Variants in HECW1 observed in about 807,000 individuals in gnomAD.
HECW1 encodes the protein E3 ubiquitin-protein ligase HECW1.
Under a neutral mutation model 182.3 loss-of-function variants are expected in HECW1, and 61 were observed. The ratio of observed to expected loss-of-function variants is 0.33; its 90% CI spans 0.27 to 0.41. HECW1 has a LOEUF of 0.41. HECW1 is among the 10% of genes least tolerant of loss of function. The pLI, the probability that HECW1 is intolerant of heterozygous loss-of-function variation, is 1.00. For missense variants in HECW1, 1,739 were observed against 2,108.9 expected (o/e 0.82, Z 3.44); for synonymous variants, 859 against 832.6 (o/e 1.03, Z -0.55).
Position 43,364,715 on chromosome 7 carries a change from G to T in HECW1, c.555+3735G>T, listed in dbSNP as rs142063224. 3.7e-3 allele frequency among the ~76,000 whole-genome samples: 566 copies of T among 152,342 alleles called. 7 individuals carry two copies. Among genetic ancestry groups the T allele is most frequent in the African/African-American group, 0.013 (545 of 41,578 alleles). Reference sequence around the variant, plus strand: ...AGGGAAGGAGACCTAGTTGTCTTAGGTTTAAAGAATATAGGACTTATTGTC... The same window carrying T: ...AGGGAAGGAGACCTAGTTGTCTTAGTTTTAAAGAATATAGGACTTATTGTC... On this transcript the variant is annotated intron_variant, in intron 6 of 29. Coordinates refer to ENST00000395891, the MANE Select transcript of HECW1 (RefSeq NM_015052.5).
chr7:43,456,183 C>A, intron 12 of HECW1, 114 bp from the exon 13 acceptor site: 2 of 1,073,908 alleles, frequency 1.9e-6, no homozygotes, highest in Non-Finnish European at 2.7e-6. Context: ...GTCTGGCCTG[C>A]AGCCATGAAC....
At chr7:43,429,482 A>G (rs2076476070) in intron 8 of HECW1, among the ~76,000 whole-genome samples, 1 of 151,798 alleles carries the variant, frequency 6.6e-6, no homozygotes, top group Non-Finnish European at 1.5e-5. Context: ...ACCACTTCTT[A>G]ATGTAAAACG....
rs150282119 is a variant in HECW1 at position 43,477,299 on chromosome 7, C to G, written c.3100-2311C>G. 7.1e-3 allele frequency among the ~76,000 whole-genome samples: 1,088 copies of G among 152,210 alleles called. 11 individuals carry two copies. The highest frequency in any genetic ancestry group is 0.024 in the African/African-American group (999 of 41,544). On this transcript the variant is annotated intron_variant, in intron 16 of 29. Coordinates refer to ENST00000395891, the MANE Select transcript of HECW1 (RefSeq NM_015052.5). ...ATCATAAATATTTTTCTAACTTTAA[C>G]CAAGTAATTAATTCAACTTTTAGAA... is the stretch of plus-strand genomic sequence containing the variant.
intron 3 of HECW1, among the ~76,000 whole-genome samples, chr7:43,271,614 T>A (rs1401871330): frequency 6.6e-6 from 1 of 152,064 alleles, no homozygotes; most frequent in Non-Finnish European, 1.5e-5. Context: ...GATTAAAAAA[T>A]TGAGATATCT....
Position 43,243,750 on chromosome 7 carries a change from C to T in HECW1, c.-31-125C>T, listed in dbSNP as rs1799101736. 6.8e-6 allele frequency: 5 copies of T among 737,832 alleles called. No individual in the cohort carries two copies. The highest frequency in any genetic ancestry group is 2.0e-5 in the Admixed American group (1 of 50,872). 45.7% of individuals were successfully genotyped at this position (737,832 alleles called of 1,614,324 possible). ...TCCTTGTGTGATTTTTCCTTTTGCA[C>T]GTCGGTTGCCCAGGCCAGGTATCTT... On this transcript the variant is annotated intron_variant, in intron 2 of 29. Transcript: ENST00000395891. The surrounding 1 kb of genome is among the most constrained non-coding windows in gnomAD (Gnocchi z 4.0).
chr7:43,407,769 A>G, intron 8 of HECW1, 38 bp downstream of exon 8: 1 of 1,572,984 alleles, frequency 6.4e-7, no homozygotes, highest in Non-Finnish European at 8.7e-7. Flanking sequence ...CCCAAGTAAA[A>G]GTGAAAGGGC....
chr7:43,563,054 C>T lies in HECW1; in HGVS notation c.*1128C>T. 5.0e-6 allele frequency: 1 copy of T among 200,622 alleles called. No homozygotes were observed. The highest frequency in any genetic ancestry group is 1.0e-5 in the Non-Finnish European group (1 of 97,686). The allele number at this position is 200,622 out of a possible 1,614,324, so 12.4% of individuals were successfully genotyped here. A position where few individuals can be genotyped will look rare whatever the true frequency, so the allele number is the denominator to read the frequency against. ...TAATCATGGAGTTCAAGTTCCTTTG[C>T]ATTCGATTGTCCATCGGGACCACAC... is the stretch of plus-strand genomic sequence containing the variant. On this transcript the variant is annotated 3_prime_UTR_variant, in exon 30 of 30. Coordinates refer to ENST00000395891, the MANE Select transcript of HECW1 (RefSeq NM_015052.5).
intron 2 of HECW1, among the ~76,000 whole-genome samples, chr7:43,136,938 A>G (rs1787605288): frequency 6.6e-6 from 1 of 152,182 alleles, no homozygotes; most frequent in African/African-American, 2.4e-5. Flanking sequence ...TCTCAAGTTT[A>G]ATATGCCCAA....
At chr7:43,550,041 T>C (rs77863180) in intron 26 of HECW1, among the ~76,000 whole-genome samples, 174 of 151,296 alleles carry the variant, frequency 1.2e-3, no homozygotes, top group African/African-American at 2.6e-3. Context: ...TACTTTGGAG[T>C]TGGGAGGATC....
intron 2 of HECW1, among the ~76,000 whole-genome samples, chr7:43,233,535 T>G (rs1015086320): frequency 2.6e-5 from 4 of 152,318 alleles, no homozygotes; most frequent in African/African-American, 7.2e-5. Context: ...TAGATTTTCC[T>G]GGATGCCTCT....
At chr7:43,213,607 A>G (rs1020791584) in intron 2 of HECW1, among the ~76,000 whole-genome samples, 2 of 151,708 alleles carry the variant, frequency 1.3e-5, no homozygotes, top group Non-Finnish European at 2.9e-5. Context: ...CACCATGCCC[A>G]GCTAATTTTT....
chr7:43,174,687 A>G (rs1286317845), intron 2 of HECW1, among the ~76,000 whole-genome samples: 1 of 152,174 alleles, frequency 6.6e-6, no homozygotes, highest in African/African-American at 2.4e-5. Flanking sequence ...CTGTCAGCTC[A>G]CAATAACAAA....
chr7:43,539,252 T>C (rs2081281345), intron 24 of HECW1, among the ~76,000 whole-genome samples: 1 of 152,216 alleles, frequency 6.6e-6, no homozygotes, highest in African/African-American at 2.4e-5. Context: ...GGTTCCACTT[T>C]GTGTTTATGG....
Position 43,444,987 on chromosome 7 carries a change from G to A in HECW1, c.1815G>A (p.Thr605=). The A allele has an allele frequency of 6.4e-7, 1 of 1,556,894 alleles. No individual in the cohort carries two copies. The highest frequency in any genetic ancestry group is 8.7e-7 in the Non-Finnish European group (1 of 1,150,206). The change falls in exon 11 of 30, where the codon ACG becomes ACA. Residue 605 remains threonine, a synonymous_variant. Coordinates refer to ENST00000395891, the MANE Select transcript of HECW1 (RefSeq NM_015052.5). This position sits in a 1 kb window ranked among gnomAD's most constrained non-coding sequence, Gnocchi z 4.3. The stretch of plus-strand genomic sequence containing the variant: ...AGGATGGGCTCAGCGAGGTGGACAC[G>A]GTGGCCGCTGACCCGTCTGCCCTGG... ...SEKDGLSEVD[T]VAADPSALEE... is the part of the protein sequence containing the mutation.
At chr7:43,253,866 C>T (rs555244160) in intron 3 of HECW1, among the ~76,000 whole-genome samples, 1 of 152,140 alleles carries the variant, frequency 6.6e-6, no homozygotes, top group East Asian at 1.9e-4. Context: ...CAAGATCATG[C>T]CATTGCACTC....
rs199597438 is a variant in HECW1 at position 43,450,839 on chromosome 7, A to G, written c.2410A>G (p.Ile804Val). 42 of 1,605,964 alleles carry G rather than the reference A, an allele frequency of 2.6e-5. No individual in the cohort carries two copies. In the African/African-American group the frequency reaches 3.7e-4, roughly 14 times the overall value. The change falls in exon 12 of 30, where the codon ATA (isoleucine) becomes GTA (valine). Residue 804 changes from isoleucine to valine, a missense_variant. Coordinates refer to ENST00000395891, the MANE Select transcript of HECW1 (RefSeq NM_015052.5). Reference protein sequence around the residue: ...PSNRREGECPILHNSQPVSQL... With the variant: ...PSNRREGECPVLHNSQPVSQL... ...TATCTTGTCCGTAGGTGAATGTCCT[A>G]TACTCCATAATTCCCAGCCAGTAAG...
At chr7:43,506,175 C>T (rs2079569494) in intron 21 of HECW1, among the ~76,000 whole-genome samples, 1 of 152,140 alleles carries the variant, frequency 6.6e-6, no homozygotes, top group Admixed American at 6.5e-5. Flanking sequence ...CTAATATAAA[C>T]TCCTAAATGC....
chr7:43,131,431 T>C (rs977513082), intron 2 of HECW1, among the ~76,000 whole-genome samples: 7 of 152,222 alleles, frequency 4.6e-5, no homozygotes, highest in Non-Finnish European at 7.3e-5. Context: ...CTTTCACTTA[T>C]TACTGGGCAC....
chr7:43,509,062 T>C lies in HECW1; in HGVS notation c.3960T>C (p.Asn1320=), dbSNP rs779068373. 1.2e-5 allele frequency: 20 copies of C among 1,614,038 alleles called. No individual in the cohort carries two copies. The highest frequency in any genetic ancestry group is 1.7e-5 in the Non-Finnish European group (20 of 1,180,012). The part of the protein sequence containing the change: ...PYYGLFEYSA[N]DTYTVQISPM... ...ATGGACTCTTTGAGTACTCGGCAAA[T>C]GATACTTACACGGTGCAGATCAGCC... Residue 1320 remains asparagine, a synonymous_variant, in exon 24 of 30, where the codon AAT becomes AAC. Transcript: ENST00000395891.
Sources: gnomAD v4.1 joint callset for allele counts (sites outside exome capture counted in the v4.1 genomes callset) on GRCh38, gnomAD v4.1.1 for gene constraint, Gnocchi (gnomAD v3.1) non-coding constraint, MANE v1.5 for transcripts, NCBI Gene and HGNC (gene_info 2026-07-23, HGNC 2026-07-21) for gene names.